NDUFAF6: variants seen among roughly 807,000 people sequenced by gnomAD.
NDUFAF6 encodes NADH:ubiquinone oxidoreductase complex assembly factor 6, also known as NADH dehydrogenase (ubiquinone) complex I, assembly factor 6.
A neutral mutation model predicts 40.8 loss-of-function variants in NDUFAF6; 45 were observed. The observed-to-expected ratio is 1.10, with a 90% CI of 0.87 to 1.42. The LOEUF is 1.42. NDUFAF6 is among the 40% of genes most tolerant of loss of function. NDUFAF6 has a pLI of 0.00. For missense variants in NDUFAF6, 435 were observed against 418.5 expected (o/e 1.04, Z -0.34); for synonymous variants, 185 against 155.9 (o/e 1.19, Z -1.39).
At chr8:95,065,094 C>T (rs1017262473) in intron 9 of NDUFAF6, among the ~76,000 whole-genome samples, 5 of 152,162 alleles carry the variant, frequency 3.3e-5, no homozygotes, top group African/African-American at 1.2e-4. Flanking sequence ...CATCTGTATC[C>T]TTTATAATTA....
chr8:95,078,662 A>AAAATATATAT (rs545018367), downstream of NDUFAF6: 2 of 121,052 alleles, frequency 1.7e-5, no homozygotes, highest in African/African-American at 6.6e-5. Flanking sequence ...AAAAAAAAAA[A>AAAATATATAT]ATATATATAT....
chr8:95,110,178 T>C (rs1350359332), intron 4 of NDUFAF6, among the ~76,000 whole-genome samples: 1 of 152,182 alleles, frequency 6.6e-6, no homozygotes, highest in Non-Finnish European at 1.5e-5. Context: ...GCAAATACTT[T>C]AGTTTGGAGT....
At chr8:94,958,349 TC>T (rs974713292) in intron 1 of NDUFAF6, among the ~76,000 whole-genome samples, 29 of 152,034 alleles carry the variant, frequency 1.9e-4, no homozygotes, top group African/African-American at 6.5e-4. Context: ...GAGGCCTCTC[TC>T]CTTGGCTTGT....
chr8:95,082,983 A>G (rs1356154306), intron 2 of NDUFAF6, among the ~76,000 whole-genome samples: 31 of 151,678 alleles, frequency 2.0e-4, no homozygotes, highest in Non-Finnish European at 2.9e-5. Context: ...GTCTGTATGT[A>G]TTGCCCAGGC....
chr8:94,944,130 T>TGAAC (rs1420458499), intron 1 of NDUFAF6, among the ~76,000 whole-genome samples: 3 of 152,272 alleles, frequency 2.0e-5, no homozygotes, highest in Non-Finnish European at 4.4e-5. Flanking sequence ...CTGTGTCTGC[T>TGAAC]GAACCAGTTG....
Position 95,041,620 on chromosome 8 carries a change from T to C in NDUFAF6, c.471T>C (p.Asp157=), listed in dbSNP as rs751157510. The C allele has an allele frequency of 1.9e-6, 3 of 1,611,890 alleles. No individual in the cohort carries two copies. Among genetic ancestry groups the C allele is most frequent in the East Asian group, 4.5e-5 (2 of 44,758 alleles). The part of the protein sequence containing the change: ...LTKRWLMKIV[D]EREKNLDDKA... The stretch of plus-strand genomic sequence containing the variant: ...AAAGATGGCTTATGAAAATCGTCGA[T>C]GAAAGAGTGAGTCAAAATTGTTCAA... Residue 157 remains aspartate (D), a synonymous_variant, in exon 4 of 9, where the codon GAT becomes GAC. Coordinates refer to ENST00000396124, the MANE Select transcript of NDUFAF6 (RefSeq NM_152416.4).
At chr8:95,077,045 G>T (rs949106666), downstream of NDUFAF6, among the ~76,000 whole-genome samples, 2 of 152,198 alleles carry the variant, frequency 1.3e-5, no homozygotes, top group African/African-American at 4.8e-5. Flanking sequence ...AAGAAGAGGA[G>T]ATGAAGCCAG....
intron 1 of NDUFAF6, among the ~76,000 whole-genome samples, chr8:95,029,156 A>G (rs1828529485): frequency 6.6e-6 from 1 of 152,204 alleles, no homozygotes; most frequent in African/African-American, 2.4e-5. Flanking sequence ...ACTCTATGGG[A>G]TGAGGCCCAG....
Position 95,025,044 on chromosome 8 carries a change from G to T in NDUFAF6, c.36G>T (p.Pro12=). 3 of 1,416,952 alleles carry T rather than the reference G, an allele frequency of 2.1e-6. No individual in the cohort carries two copies. The highest frequency in any genetic ancestry group is 2.7e-6 in the Non-Finnish European group (3 of 1,097,932). The allele number at this position is 1,416,952 out of a possible 1,614,324, so 87.8% of individuals were successfully genotyped here. A position where few individuals can be genotyped will look rare whatever the true frequency, so the allele number is the denominator to read the frequency against. Reference sequence around the variant, plus strand: ...CCGCGCACGGCTCTGTCTGGGGGCCGTTGCGGCTTGGCATCCCCGGCCTGT... The same window carrying T: ...CCGCGCACGGCTCTGTCTGGGGGCCTTTGCGGCTTGGCATCCCCGGCCTGT... ...AASAHGSVWG[P]LRLGIPGLCC... The change falls in exon 1 of 9, where the codon CCG becomes CCT. Residue 12 remains proline (P), a synonymous_variant. Transcript: ENST00000396124.
At chr8:94,984,100 C>T (rs1202754456) in intron 2 of NDUFAF6, 1 of 152,236 alleles carries the variant, frequency 6.6e-6, no homozygotes, top group African/African-American at 2.4e-5. Context: ...ATAGAATGGA[C>T]TTCCAAGCTC....
At chr8:94,985,878 CTT>C (rs781261737) in intron 2 of NDUFAF6, among the ~76,000 whole-genome samples, 9 of 136,418 alleles carry the variant, frequency 6.6e-5, no homozygotes, top group Admixed American at 1.5e-4. Flanking sequence ...TTCTTCCTTT[CTT>C]TTTTTTTTTT....
chr8:95,025,617 G>A (rs1368239829), intron 1 of NDUFAF6, among the ~76,000 whole-genome samples: 1 of 152,152 alleles, frequency 6.6e-6, no homozygotes, highest in African/African-American at 2.4e-5. Flanking sequence ...AGTTGCGACG[G>A]ACAAATGTAG....
chr8:95,078,660 A>ATATATATATATATATATATATATATAT (rs542717810), downstream of NDUFAF6: 4 of 58,572 alleles, frequency 6.8e-5, no homozygotes, highest in Admixed American at 2.2e-4. Context: ...AAAAAAAAAA[A>ATATATATATATATATATATATATATAT]AAATATATAT....
chr8:95,078,399 T>G (rs1262626778), downstream of NDUFAF6: 3 of 152,164 alleles, frequency 2.0e-5, 1 homozygote, highest in South Asian at 4.1e-4. Context: ...ATCCCAGCAC[T>G]TTGTGAGGCC....
chr8:94,992,942 A>G (rs1275044053), intron 2 of NDUFAF6, among the ~76,000 whole-genome samples: 1 of 152,224 alleles, frequency 6.6e-6, no homozygotes, highest in Admixed American at 6.5e-5. Context: ...AAGGTGGTTG[A>G]GACAATTCCT....
chr8:94,938,241 A>G (rs1237183490), intron 1 of NDUFAF6, among the ~76,000 whole-genome samples: 1 of 152,226 alleles, frequency 6.6e-6, no homozygotes, highest in East Asian at 1.9e-4. Context: ...AGACATGCTC[A>G]TACAGTACGA....
chr8:95,057,676 C>T, intron 8 of NDUFAF6, 133 bp from the exon 9 acceptor site: 1 of 700,434 alleles, frequency 1.4e-6, no homozygotes, highest in South Asian at 1.9e-5. Context: ...TTTTAAAATT[C>T]TCACTTAAAT....
At chr8:94,976,459 C>T (rs1259896339) in intron 1 of NDUFAF6, among the ~76,000 whole-genome samples, 1 of 146,076 alleles carries the variant, frequency 6.8e-6, no homozygotes, top group Non-Finnish European at 1.5e-5. Flanking sequence ...GCCAAGATCC[C>T]GCCACTGCAC....
chr8:95,021,868 T>C (rs1827704713), upstream of NDUFAF6, among the ~76,000 whole-genome samples: 1 of 152,160 alleles, frequency 6.6e-6, no homozygotes, highest in South Asian at 2.1e-4. Flanking sequence ...ATGGGTAACC[T>C]AAGGACTCAC....
Sources: gnomAD v4.1 joint callset for allele counts (sites outside exome capture counted in the v4.1 genomes callset) on GRCh38, gnomAD v4.1.1 for gene constraint, MANE v1.5 for transcripts, NCBI Gene and HGNC (gene_info 2026-07-23, HGNC 2026-07-21) for gene names.